LRRTM4: variants seen among roughly 807,000 people sequenced by gnomAD.
LRRTM4 encodes leucine rich repeat transmembrane neuronal 4, also known as leucine-rich repeat transmembrane neuronal protein 4.
A neutral mutation model predicts 47.6 loss-of-function variants in LRRTM4; 25 were observed. The observed-to-expected ratio is 0.53, with a 90% CI of 0.38 to 0.73. LRRTM4 has a LOEUF of 0.73. LRRTM4 is among the 30% of genes least tolerant of loss of function. The probability of loss-of-function intolerance (pLI) is 0.00; values close to 1 mark genes in which losing one functional copy is unlikely to be tolerated. For missense variants in LRRTM4, 638 were observed against 713.4 expected (o/e 0.89, Z 1.20); for synonymous variants, 311 against 269.5 (o/e 1.15, Z -1.51).
chr2:76,886,254 A>T (rs1327164950), intron 3 of LRRTM4, among the ~76,000 whole-genome samples: 1 of 152,206 alleles, frequency 6.6e-6, no homozygotes, highest in Non-Finnish European at 1.5e-5. Flanking sequence ...AACAATGAGC[A>T]ATAGTCATTG....
chr2:76,803,351 C>T (rs1190113933), intron 3 of LRRTM4, among the ~76,000 whole-genome samples: 1 of 151,880 alleles, frequency 6.6e-6, no homozygotes, highest in Non-Finnish European at 1.5e-5. Context: ...CAAAAATGCC[C>T]AACATTACTG....
intron 3 of LRRTM4, among the ~76,000 whole-genome samples, chr2:76,869,844 G>A (rs1243694248): frequency 6.6e-6 from 1 of 151,950 alleles, no homozygotes; most frequent in Non-Finnish European, 1.5e-5. Context: ...ATTTAAAATA[G>A]TAATAATAAT....
chr2:77,298,732 A>G (rs1296628149), intron 3 of LRRTM4, among the ~76,000 whole-genome samples: 2 of 152,172 alleles, frequency 1.3e-5, no homozygotes, highest in East Asian at 1.9e-4. Flanking sequence ...ACCTCATGAC[A>G]TTTGTAATTA....
chr2:76,780,623 C>A (rs1233772753), intron 3 of LRRTM4, among the ~76,000 whole-genome samples: 1 of 152,240 alleles, frequency 6.6e-6, no homozygotes, highest in Non-Finnish European at 1.5e-5. Context: ...CTCCTTTAAG[C>A]ACTTCTCTGT....
At chr2:77,394,163 C>G (rs1673610032) in intron 3 of LRRTM4, among the ~76,000 whole-genome samples, 1 of 151,438 alleles carries the variant, frequency 6.6e-6, no homozygotes, top group African/African-American at 2.4e-5. Flanking sequence ...AAATTACAGA[C>G]TATAAACAGC....
rs1573111471 is a variant in LRRTM4 at position 77,230,188 on chromosome 2, C to T, written c.1551+288130G>A. On this transcript the variant is annotated intron_variant, in intron 3 of 3. Coordinates refer to ENST00000409884, the MANE Select transcript of LRRTM4 (RefSeq NM_001134745.3). ...ACAAGTCATATCCTTTGCATTCTTT[C>T]AACACCTATACTAAACAACCACATC... 4.6e-5 allele frequency among the ~76,000 whole-genome samples: 7 copies of T among 152,206 alleles called. No homozygotes were observed. In the South Asian group the frequency reaches 1.5e-3, roughly 32 times the overall value.
At chr2:77,387,654 T>A (rs1035914200) in intron 3 of LRRTM4, among the ~76,000 whole-genome samples, 1 of 152,144 alleles carries the variant, frequency 6.6e-6, no homozygotes, top group Non-Finnish European at 1.5e-5. Context: ...CCAGCTTGTA[T>A]GAAAGTTGAG....
At chr2:77,462,512 CCAAT>C (rs1373046042) in intron 3 of LRRTM4, among the ~76,000 whole-genome samples, 1 of 151,916 alleles carries the variant, frequency 6.6e-6, no homozygotes, top group Admixed American at 6.6e-5. Flanking sequence ...CTGGCTATCA[CCAAT>C]CAGTTAATAA....
At chr2:77,081,200 G>T (rs1034072453) in intron 3 of LRRTM4, among the ~76,000 whole-genome samples, 2 of 149,464 alleles carry the variant, frequency 1.3e-5, no homozygotes, top group African/African-American at 4.9e-5. Context: ...GACAGTAATT[G>T]TTTCTGTTCC....
chr2:77,159,497 T>C (rs1170109365), intron 3 of LRRTM4, among the ~76,000 whole-genome samples: 1 of 147,192 alleles, frequency 6.8e-6, no homozygotes, highest in Non-Finnish European at 1.5e-5. Context: ...GTTGTGCACA[T>C]GTACCCTAGG....
At chr2:77,320,287 T>C (rs1677749592) in intron 3 of LRRTM4, among the ~76,000 whole-genome samples, 1 of 152,160 alleles carries the variant, frequency 6.6e-6, no homozygotes, top group African/African-American at 2.4e-5. Flanking sequence ...ATAAAAGTAG[T>C]CTCATATTAC....
At chr2:77,009,696 C>T (rs974220650) in intron 3 of LRRTM4, 4 of 152,106 alleles carry the variant, frequency 2.6e-5, no homozygotes, top group African/African-American at 9.7e-5. Flanking sequence ...TGATTCTTAA[C>T]AGCAGTCACC....
chr2:77,286,829 C>G (rs961990803), intron 3 of LRRTM4, among the ~76,000 whole-genome samples: 1 of 152,062 alleles, frequency 6.6e-6, no homozygotes, highest in South Asian at 2.1e-4. Flanking sequence ...TATGGGCTAC[C>G]TGAAGGAAAA....
At chr2:77,006,186 C>T (rs1008367152) in intron 3 of LRRTM4, among the ~76,000 whole-genome samples, 1 of 152,060 alleles carries the variant, frequency 6.6e-6, no homozygotes, top group African/African-American at 2.4e-5. Context: ...ACATTCGTTT[C>T]TTAAGGGGTA....
intron 3 of LRRTM4, among the ~76,000 whole-genome samples, chr2:77,034,912 T>C (rs1678782944): frequency 6.6e-6 from 1 of 151,926 alleles, no homozygotes; most frequent in Non-Finnish European, 1.5e-5. Flanking sequence ...TACCCAGTGT[T>C]ACAGTTCATA....
At chr2:77,427,711 C>A (rs566661702) in intron 3 of LRRTM4, among the ~76,000 whole-genome samples, 1 of 152,178 alleles carries the variant, frequency 6.6e-6, no homozygotes, top group African/African-American at 2.4e-5. Context: ...TGGGAGAACA[C>A]TGTGGGATTT....
At chr2:77,286,693 A>G (rs377475190) in intron 3 of LRRTM4, among the ~76,000 whole-genome samples, 121 of 152,190 alleles carry the variant, frequency 8.0e-4, no homozygotes, top group African/African-American at 2.6e-3. Flanking sequence ...TCAAATTAGT[A>G]TCTTGATATG....
chr2:77,017,869 C>T (rs1678123588), intron 3 of LRRTM4, among the ~76,000 whole-genome samples: 1 of 151,676 alleles, frequency 6.6e-6, no homozygotes, highest in South Asian at 2.1e-4. Flanking sequence ...TGCATAATCA[C>T]CCAAAAATTA....
chr2:76,941,774 C>T (rs1341422523), intron 3 of LRRTM4, among the ~76,000 whole-genome samples: 1 of 152,112 alleles, frequency 6.6e-6, no homozygotes, highest in Non-Finnish European at 1.5e-5. Flanking sequence ...AATAAACACA[C>T]GTGTGCATGT....
Sources: allele counts gnomAD v4.1 joint callset (sites outside exome capture counted in the v4.1 genomes callset), GRCh38; gene constraint gnomAD v4.1.1; transcripts MANE v1.5; gene names NCBI Gene and HGNC (gene_info 2026-07-23, HGNC 2026-07-21).